Variants in GTF3C2 observed in about 807,000 individuals in gnomAD.
The protein encoded by GTF3C2 is general transcription factor IIIC subunit 2.
In GTF3C2, 17 loss-of-function variants were observed where a neutral mutation model predicts 117.4. The ratio of observed to expected loss-of-function variants is 0.14; its 90% CI spans 0.10 to 0.22. GTF3C2 has a LOEUF of 0.22. GTF3C2 is among the 10% of genes least tolerant of loss of function. The pLI, the probability that GTF3C2 is intolerant of heterozygous loss-of-function variation, is 1.00. For synonymous variants in GTF3C2, 437 were observed against 427.0 expected, an observed-to-expected ratio of 1.02 and a Z score of -0.29; for missense variants, 888 against 1,143.6, an observed-to-expected ratio of 0.78 and a Z score of 3.22.
intron 7 of GTF3C2, among the ~76,000 whole-genome samples, chr2:27,336,936 T>C (rs1680502605): frequency 6.6e-6 from 1 of 152,204 alleles, no homozygotes; most frequent in Non-Finnish European, 1.5e-5. Flanking sequence ...CTCCAGCTCA[T>C]CTTCAGGGCT....
chr2:27,342,794 C>T (rs1420951218), intron 3 of GTF3C2, 32 bp downstream of exon 3: 21 of 1,547,312 alleles, frequency 1.4e-5, no homozygotes, highest in Non-Finnish European at 1.9e-5. Context: ...CACCCAACCC[C>T]CCTCCACCAA....
Position 27,326,992 on chromosome 2 carries a change from G to A in GTF3C2, c.2518-99C>T, listed in dbSNP as rs1680097665. 1.0e-4 allele frequency: 80 copies of A among 770,836 alleles called. 1 individual carries two copies. In the South Asian group the frequency reaches 1.4e-3, roughly 13 times the overall value. 47.7% of individuals were successfully genotyped at this position (770,836 alleles called of 1,614,324 possible). A position where few individuals can be genotyped will look rare whatever the true frequency, so the allele number is the denominator to read the frequency against. ...AAAAAAAAAAAATGAGCCACAATCTGAAAGGACAGGACCATGAGGGGTGAC... is the reference window on the plus strand; with the variant it reads ...AAAAAAAAAAAATGAGCCACAATCTAAAAGGACAGGACCATGAGGGGTGAC... On this transcript the variant is annotated intron_variant, in intron 18 of 18. Coordinates refer to ENST00000264720, the Ensembl canonical transcript of GTF3C2.
At chr2:27,347,532 C>T (rs375908691) in intron 1 of GTF3C2, among the ~76,000 whole-genome samples, 1 of 152,050 alleles carries the variant, frequency 6.6e-6, no homozygotes, top group Non-Finnish European at 1.5e-5. Context: ...ACAGAACTAC[C>T]CCATTCAAAA....
exon 5 of GTF3C2, chr2:27,337,948 A>C (rs1162330574): frequency 1.2e-6 from 2 of 1,607,162 alleles, no homozygotes; most frequent in Non-Finnish European, 1.7e-6. Context: ...AGATGGAGGC[A>C]CTTCCAAACA....
chr2:27,333,226 T>C (rs978951528), intron 12 of GTF3C2, among the ~76,000 whole-genome samples: 1 of 149,878 alleles, frequency 6.7e-6, no homozygotes, highest in African/African-American at 2.5e-5. Flanking sequence ...AGGGGTGTGA[T>C]CTTGGCTCAC....
chr2:27,355,682 G>A (rs1220090614), intron 1 of GTF3C2, among the ~76,000 whole-genome samples: 1 of 152,110 alleles, frequency 6.6e-6, no homozygotes, highest in East Asian at 1.9e-4. Context: ...GCTCCAGGAT[G>A]CCAGCTTGAC....
chr2:27,353,033 A>C (rs913180424), intron 1 of GTF3C2, among the ~76,000 whole-genome samples: 3 of 152,164 alleles, frequency 2.0e-5, no homozygotes, highest in African/African-American at 7.2e-5. Context: ...ATTTAGTTTT[A>C]GTTTGCTTCC....
At chr2:27,348,344 G>A (rs186953711) in intron 1 of GTF3C2, among the ~76,000 whole-genome samples, 289 of 151,874 alleles carry the variant, frequency 1.9e-3, no homozygotes, top group South Asian at 6.9e-3. Flanking sequence ...GGAATTGGAA[G>A]TGAGAAGATC....
exon 8 of GTF3C2, chr2:27,336,305 A>C: frequency 6.2e-7 from 1 of 1,613,938 alleles, no homozygotes; most frequent in African/African-American, 1.3e-5. Flanking sequence ...TGGAGAAAAG[A>C]GCCACATATT....
intron 1 of GTF3C2, among the ~76,000 whole-genome samples, chr2:27,348,074 C>T (rs1680980141): frequency 6.6e-6 from 1 of 152,140 alleles, no homozygotes; most frequent in Non-Finnish European, 1.5e-5. Flanking sequence ...TTTGAGACCA[C>T]CTGGCCAACA....
chr2:27,341,085 G>A (rs1001969787), intron 4 of GTF3C2, among the ~76,000 whole-genome samples: 2 of 152,072 alleles, frequency 1.3e-5, no homozygotes, highest in Admixed American at 6.6e-5. Context: ...ACCCAGGCTG[G>A]AGTGCAGTGG....
chr2:27,334,025 ACT>A (rs1181521107), intron 10 of GTF3C2, 26 bp from the exon 11 acceptor site: 1 of 1,592,548 alleles, frequency 6.3e-7, no homozygotes, highest in African/African-American at 1.3e-5. Context: ...GCAGGAACTA[ACT>A]CTATGGATCC....
At chr2:27,326,760 T>C (rs1372340632) in exon 19 of GTF3C2, 2 of 1,613,718 alleles carry the variant, frequency 1.2e-6, no homozygotes, top group Admixed American at 3.3e-5. Flanking sequence ...AGCATTGAAG[T>C]GGGCTCGGCT....
rs1033010532 is a variant in GTF3C2, at chr2:27,329,756, T to C, written c.1733-233A>G. ...AAAAGTAATAGCTTTGTCTGGAATCTACAGTTGAAAAATGATAGGGTGAAC... is the reference window on the plus strand; with the variant it reads ...AAAAGTAATAGCTTTGTCTGGAATCCACAGTTGAAAAATGATAGGGTGAAC... On this transcript the variant is annotated intron_variant, in intron 12 of 18. Coordinates refer to ENST00000264720, the Ensembl canonical transcript of GTF3C2. The surrounding 1 kb of genome is among the most constrained non-coding windows in gnomAD (Gnocchi z 4.5). Among the ~76,000 whole-genome samples, 3 of 152,280 alleles carry C rather than the reference T, an allele frequency of 2.0e-5. No individual in the cohort carries two copies. The highest frequency in any genetic ancestry group is 4.4e-5 in the Non-Finnish European group (3 of 68,016).
chr2:27,344,139 C>G (rs932089242), intron 1 of GTF3C2, among the ~76,000 whole-genome samples: 1 of 151,898 alleles, frequency 6.6e-6, no homozygotes, highest in Non-Finnish European at 1.5e-5. Context: ...ATTCTCCTGC[C>G]TCAGCCTCCT....
intron 16 of GTF3C2, 30 bp downstream of exon 16, chr2:27,328,438 A>T (rs1173095311): frequency 1.4e-5 from 23 of 1,613,010 alleles, no homozygotes; most frequent in Non-Finnish European, 1.6e-5. Flanking sequence ...TTAGGATCCA[A>T]CAGCTGCTGT....
chr2:27,335,461 T>C lies in GTF3C2; in HGVS notation c.1576+137A>G, dbSNP rs187519247. 32 of 714,946 alleles carry C rather than the reference T, an allele frequency of 4.5e-5. 1 individual carries two copies. The East Asian group carries it at 8.6e-4, about 19-fold the overall frequency. The allele number at this position is 714,946 out of a possible 1,614,324, so 44.3% of individuals were successfully genotyped here. Reference sequence around the variant, plus strand: ...GCTCAAGAACAAACCTGAGTCACAATGCAGGGTGTGTGTGTGGCTGAGTAA... The same window carrying C: ...GCTCAAGAACAAACCTGAGTCACAACGCAGGGTGTGTGTGTGGCTGAGTAA... On this transcript the variant is annotated intron_variant, in intron 10 of 18. Coordinates refer to ENST00000264720, the Ensembl canonical transcript of GTF3C2.
intron 1 of GTF3C2, among the ~76,000 whole-genome samples, chr2:27,353,453 T>G (rs1181206567): frequency 2.6e-5 from 4 of 152,102 alleles, no homozygotes; most frequent in African/African-American, 9.7e-5. Context: ...GTTTTTGTTT[T>G]TTTGAGACAG....
chr2:27,333,894 A>C, intron 11 of GTF3C2, 80 bp downstream of exon 11: 7 of 1,455,250 alleles, frequency 4.8e-6, no homozygotes, highest in Non-Finnish European at 6.8e-6. Flanking sequence ...TCAGAAGTAT[A>C]AGGAGACTCA....
Sources: gnomAD v4.1 joint callset for allele counts (sites outside exome capture counted in the v4.1 genomes callset) on GRCh38, gnomAD v4.1.1 for gene constraint, Gnocchi (gnomAD v3.1) non-coding constraint, MANE v1.5 for transcripts, NCBI Gene and HGNC (gene_info 2026-07-23, HGNC 2026-07-21) for gene names.